GREB1: variants seen among roughly 807,000 people sequenced by gnomAD.
The protein encoded by GREB1 is growth regulating estrogen receptor binding 1, also known as protein GREB1.
A neutral mutation model predicts 200.7 loss-of-function variants in GREB1; 106 were observed. That is an observed-to-expected ratio of 0.53 (90% CI 0.45 to 0.62). The LOEUF (loss-of-function observed/expected upper bound fraction) is 0.62. Among genes scored for constraint, GREB1 ranks in the 20% least tolerant of loss-of-function variants. The pLI is 0.00. For synonymous variants in GREB1, 1,132 were observed against 1,092.4 expected (o/e 1.04, Z -0.72); for missense variants, 2,243 against 2,556.8 (o/e 0.88, Z 2.65).
intron 1 of GREB1, among the ~76,000 whole-genome samples, chr2:11,540,422 T>C (rs754592031): frequency 1.3e-5 from 2 of 152,340 alleles, no homozygotes; most frequent in Non-Finnish European, 2.9e-5. Context: ...TTTTCAGTGG[T>C]TTCTGCTTCC....
chr2:11,542,586 C>T (rs1189307734), intron 1 of GREB1: 1 of 148,448 alleles, frequency 6.7e-6, no homozygotes, highest in Non-Finnish European at 1.5e-5. Flanking sequence ...GGAGAACAAA[C>T]CCAGAGCCCA....
In GREB1 at chr2:11,637,766, G is replaced by C. The variant is rs202111413; in HGVS notation, c.5397G>C (p.Pro1799=). ...TGCCGGCCCAGTACATCTGTGCCCC[G>C]GACAGCAAGCACACGTTCCTCGCAG... The part of the protein sequence containing the change: ...AVVPAQYICA[P]DSKHTFLAAP... Residue 1799 remains proline, a synonymous_variant, in exon 31 of 33, where the codon CCG becomes CCC. Coordinates refer to ENST00000381486, the MANE Select transcript of GREB1 (RefSeq NM_014668.4). 1.9e-6 allele frequency: 3 copies of C among 1,613,916 alleles called. No homozygotes were observed. The highest frequency in any genetic ancestry group is 1.7e-6 in the Non-Finnish European group (2 of 1,180,004).
intron 10 of GREB1, chr2:11,591,857 T>A (rs1680763751): frequency 9.6e-6 from 2 of 208,036 alleles, no homozygotes; most frequent in African/African-American, 4.7e-5. Context: ...ACAGCACTCT[T>A]TATGTTGGCT....
At chr2:11,559,755 T>C (rs1676800768) in intron 2 of GREB1, among the ~76,000 whole-genome samples, 1 of 152,190 alleles carries the variant, frequency 6.6e-6, no homozygotes, top group South Asian at 2.1e-4. Flanking sequence ...TTACACCTTC[T>C]GCTAAAACCA....
intron 7 of GREB1, 108 bp from the exon 8 acceptor site, chr2:11,585,053 G>GAA (rs55893544): frequency 0.024 from 11,163 of 464,712 alleles, 5 homozygotes; most frequent in East Asian, 0.077. Context: ...TCTGTGATTA[G>GAA]AAAAAAAAAA....
chr2:11,578,469 C>T, intron 6 of GREB1, 38 bp downstream of exon 6: 1 of 1,605,292 alleles, frequency 6.2e-7, no homozygotes, highest in Non-Finnish European at 8.5e-7. Context: ...GCTAAACCCA[C>T]AGAGCTGGCA....
At position 11,566,573 on chromosome 2, in the gene GREB1, C is replaced by T. The variant is rs758203869; in HGVS notation, c.371C>T (p.Ser124Phe). The T allele has an allele frequency of 1.7e-5, 28 of 1,613,966 alleles. No homozygotes were observed. The highest frequency in any genetic ancestry group is 2.3e-5 in the Non-Finnish European group (27 of 1,179,950). ...GGCTTTCTCCTCGTGGGGGTCAAGT[C>T]CCCCAGCCTGCCGGACCATCTCCTG... ...PAGFLLVGVK[S>F]PSLPDHLLVC... Residue 124 changes from serine to phenylalanine, a missense_variant, in exon 4 of 33, where the codon TCC becomes TTC. Ser to Phe is a radical substitution (Grantham distance 155). Transcript: ENST00000381486.
intron 1 of GREB1, among the ~76,000 whole-genome samples, chr2:11,539,448 G>A (rs569879163): frequency 1.1e-4 from 16 of 152,262 alleles, no homozygotes; most frequent in African/African-American, 3.9e-4. Context: ...TGTTTGAAGG[G>A]GCACGTGCTC....
At chr2:11,487,537 G>A (rs1672682909) in intron 1 of GREB1, among the ~76,000 whole-genome samples, 1 of 152,194 alleles carries the variant, frequency 6.6e-6, no homozygotes, top group South Asian at 2.1e-4. Flanking sequence ...GAGGGAGAGG[G>A]TATATTTTAG....
chr2:11,585,934 G>A (rs750478501), intron 9 of GREB1, 29 bp downstream of exon 9: 2 of 1,604,092 alleles, frequency 1.2e-6, no homozygotes, highest in South Asian at 1.1e-5. Flanking sequence ...CGAGTCGTGG[G>A]GATGGGAGAA....
At chr2:11,639,285 T>C (rs11685316) in intron 32 of GREB1, among the ~76,000 whole-genome samples, 34,621 of 152,098 alleles carry the variant, frequency 0.23, 4,150 homozygotes, top group Middle Eastern at 0.29. Context: ...GACAGGGTTT[T>C]GCCATGTTGG....
intron 10 of GREB1, among the ~76,000 whole-genome samples, chr2:11,590,383 C>T (rs1680611106): frequency 6.6e-6 from 1 of 152,198 alleles, no homozygotes; most frequent in African/African-American, 2.4e-5. Context: ...TCCACCCCTT[C>T]CCGGGGGCCC....
At chr2:11,635,837 T>C (rs1014154466) in intron 30 of GREB1, among the ~76,000 whole-genome samples, 2 of 152,172 alleles carry the variant, frequency 1.3e-5, no homozygotes, top group Non-Finnish European at 2.9e-5. Flanking sequence ...TTATGTGTGT[T>C]CCAGCTGAGC....
chr2:11,581,486 A>C (rs533691498), intron 7 of GREB1, among the ~76,000 whole-genome samples: 1 of 152,140 alleles, frequency 6.6e-6, no homozygotes, highest in Non-Finnish European at 1.5e-5. Context: ...GGACAAAGGG[A>C]GCAAAGAGGG....
intron 2 of GREB1, 31 bp downstream of exon 2, chr2:11,556,802 ATTTC>A: frequency 6.3e-7 from 1 of 1,584,340 alleles, no homozygotes; most frequent in Non-Finnish European, 8.6e-7. Context: ...TTATCTGTGT[ATTTC>A]TTTTATTGTG....
intron 17 of GREB1, among the ~76,000 whole-genome samples, chr2:11,608,896 C>G (rs948998930): frequency 1.2e-4 from 19 of 152,210 alleles, no homozygotes; most frequent in African/African-American, 4.6e-4. Context: ...CCTGTGATCT[C>G]TAGCTGCCTT....
rs75499747 is a variant in GREB1, at chr2:11,627,968, G to A, written c.4449+864G>A. On this transcript the variant is annotated intron_variant, in intron 25 of 32. Coordinates refer to ENST00000381486, the MANE Select transcript of GREB1 (RefSeq NM_014668.4). ...GGACAGCATGTGTGGGAGAGGGGAG[G>A]TGGGGTTTCCAGGGGATGGGAAGTG... Among the ~76,000 whole-genome samples, 402 of 152,322 alleles carry A rather than the reference G, an allele frequency of 2.6e-3. 1 individual carries two copies. Among genetic ancestry groups the A allele is most frequent in the African/African-American group, 8.5e-3 (353 of 41,568 alleles).
chr2:11,616,650 A>G lies in GREB1; in HGVS notation c.3342A>G (p.Arg1114=), dbSNP rs757793003. ...LGTEGSTSEK[R]SPMKRERSRS... ...GAACAGGCTCTACCTCGGAGAAGAG[A>G]AGCCCCATGAAAAGGGAGAGGTCCC... The change falls in exon 21 of 33, where the codon AGA becomes AGG. Residue 1114 remains arginine, a synonymous_variant. Transcript: ENST00000381486. 1.2e-6 allele frequency: 2 copies of G among 1,610,942 alleles called. No homozygotes were observed. Among genetic ancestry groups the G allele is most frequent in the South Asian group, 2.2e-5 (2 of 91,020 alleles).
intron 1 of GREB1, among the ~76,000 whole-genome samples, chr2:11,554,565 CA>C (rs1676249376): frequency 6.6e-6 from 1 of 152,154 alleles, no homozygotes; most frequent in Non-Finnish European, 1.5e-5. Flanking sequence ...AAGCCAGTTT[CA>C]TAACTGGTCT....
Sources: allele counts gnomAD v4.1 joint callset (sites outside exome capture counted in the v4.1 genomes callset), GRCh38; gene constraint gnomAD v4.1.1; transcripts MANE v1.5; gene names NCBI Gene and HGNC (gene_info 2026-07-23, HGNC 2026-07-21).